RGS7: variants seen among roughly 807,000 people sequenced by gnomAD.
The protein encoded by RGS7 is regulator of G-protein signaling 7.
RGS7 carries 27 observed loss-of-function variants against 81.1 expected under a neutral mutation model. The ratio of observed to expected loss-of-function variants is 0.33; its 90% confidence interval spans 0.25 to 0.46. The LOEUF (loss-of-function observed/expected upper bound fraction) is 0.46, where lower values mean the gene tolerates loss of function less well. RGS7 is among the 20% of genes least tolerant of loss of function. RGS7 has a pLI of 1.00. For missense variants in RGS7, 396 were observed against 607.4 expected (o/e 0.65, Z 3.66); for synonymous variants, 208 against 207.7 (o/e 1.00, Z -0.01).
At chr1:240,908,113 C>A (rs1199201107) in intron 6 of RGS7, among the ~76,000 whole-genome samples, 1 of 150,344 alleles carries the variant, frequency 6.7e-6, no homozygotes, top group Non-Finnish European at 1.5e-5. Context: ...AAACCAAACA[C>A]CACATGTTCT....
intron 2 of RGS7, among the ~76,000 whole-genome samples, chr1:241,314,664 T>A (rs1395544293): frequency 6.6e-6 from 1 of 152,156 alleles, no homozygotes; most frequent in Non-Finnish European, 1.5e-5. Flanking sequence ...TGAACAAAAG[T>A]AGAGCGCAGT....
intron 2 of RGS7, among the ~76,000 whole-genome samples, chr1:241,225,543 A>C (rs371271677): frequency 1.3e-5 from 2 of 152,280 alleles, no homozygotes; most frequent in African/African-American, 4.8e-5. Context: ...TTGCATCACA[A>C]ATACTGGCTG....
At chr1:240,800,552 A>AAC (rs143139365) in intron 18 of RGS7, 89 bp downstream of exon 18, 327 of 654,994 alleles carry the variant, frequency 5.0e-4, no homozygotes, top group South Asian at 8.3e-4. Flanking sequence ...CAAAAGCCAC[A>AAC]ACACACACAC....
chr1:240,886,497 T>A (rs1667360632), intron 6 of RGS7, among the ~76,000 whole-genome samples: 1 of 152,220 alleles, frequency 6.6e-6, no homozygotes, highest in African/African-American at 2.4e-5. Context: ...TCTATAAAAA[T>A]GTAAACCCCA....
intron 18 of RGS7, among the ~76,000 whole-genome samples, chr1:240,799,769 C>G (rs1374302536): frequency 6.6e-6 from 1 of 152,174 alleles, no homozygotes; most frequent in East Asian, 1.9e-4. Flanking sequence ...ATACTTTCTA[C>G]ATGGTCCCAA....
intron 3 of RGS7, among the ~76,000 whole-genome samples, chr1:241,053,399 A>G (rs2061343714): frequency 6.6e-6 from 1 of 152,238 alleles, no homozygotes; most frequent in Non-Finnish European, 1.5e-5. Flanking sequence ...CCCTCAAAGT[A>G]GGAGACTTTT....
intron 2 of RGS7, among the ~76,000 whole-genome samples, chr1:241,158,156 T>C (rs892253658): frequency 2.0e-5 from 3 of 152,148 alleles, no homozygotes; most frequent in African/African-American, 7.2e-5. Context: ...GCCATGCTAA[T>C]TCATTTACAT....
chr1:241,221,022 G>A (rs1426272230), intron 2 of RGS7, among the ~76,000 whole-genome samples: 29 of 104,654 alleles, frequency 2.8e-4, no homozygotes, highest in South Asian at 1.2e-3. Flanking sequence ...AGGAAGGAAG[G>A]AAGGAAGGAA....
chr1:240,793,612 T>TATATATATA (rs11270798), intron 18 of RGS7, among the ~76,000 whole-genome samples: 2 of 28,588 alleles, frequency 7.0e-5, no homozygotes, highest in African/African-American at 3.7e-4. Flanking sequence ...TATATATATA[T>TATATATATA]TTTTTTTTTT....
intron 2 of RGS7, among the ~76,000 whole-genome samples, chr1:241,243,713 T>G (rs551783844): frequency 6.6e-6 from 1 of 152,168 alleles, no homozygotes; most frequent in African/African-American, 2.4e-5. Flanking sequence ...TTGGCCACAT[T>G]ATGTTTCAGA....
chr1:241,331,719 T>G (rs762814139), intron 2 of RGS7, among the ~76,000 whole-genome samples: 12 of 152,328 alleles, frequency 7.9e-5, no homozygotes, highest in African/African-American at 2.6e-4. Flanking sequence ...ACAATTTTAC[T>G]GTCAGCTGGA....
chr1:240,920,657 AG>A, intron 6 of RGS7: 1 of 1,009,210 alleles, frequency 9.9e-7, no homozygotes, highest in Non-Finnish European at 1.5e-6. Flanking sequence ...GAGAAGTGAC[AG>A]GGAAGCTACA....
chr1:241,020,822 CCAGA>C (rs1297182230), intron 3 of RGS7, among the ~76,000 whole-genome samples: 2 of 152,114 alleles, frequency 1.3e-5, no homozygotes, highest in Non-Finnish European at 2.9e-5. Flanking sequence ...ACCATCAGTG[CCAGA>C]CAGTCAAGAA....
Position 241,002,905 on chromosome 1 carries a change from C to T in RGS7, c.176-19776G>A, listed in dbSNP as rs559519420. Reference sequence around the variant, plus strand: ...AATACAAGTTTTCACTCAATACATTCGTAACATGAAAACAAAAAATTTATA... The same window carrying T: ...AATACAAGTTTTCACTCAATACATTTGTAACATGAAAACAAAAAATTTATA... On this transcript the variant is annotated intron_variant, in intron 3 of 18. Transcript: ENST00000440928. Among the ~76,000 whole-genome samples the T allele has an allele frequency of 4.6e-5, 7 of 152,162 alleles. No individual in the cohort carries two copies. In the South Asian group the frequency reaches 1.0e-3, roughly 23 times the overall value.
chr1:241,216,114 T>C (rs940211494), intron 2 of RGS7, among the ~76,000 whole-genome samples: 1 of 150,722 alleles, frequency 6.6e-6, no homozygotes, highest in Non-Finnish European at 1.5e-5. Flanking sequence ...TATTAAAATA[T>C]AAAAAAACGT....
intron 2 of RGS7, among the ~76,000 whole-genome samples, chr1:241,146,027 T>C (rs557098388): frequency 6.6e-6 from 1 of 152,262 alleles, no homozygotes; most frequent in African/African-American, 2.4e-5. Context: ...TTTTTATCTC[T>C]TGGCTGAAGG....
At chr1:240,790,603 TAA>T in intron 18 of RGS7, among the ~76,000 whole-genome samples, 1 of 152,302 alleles carries the variant, frequency 6.6e-6, no homozygotes, top group African/African-American at 2.4e-5. Context: ...GAACTAGGAT[TAA>T]TAGCTGGAAG....
chr1:240,775,143 T>C (rs894813382), downstream of RGS7, among the ~76,000 whole-genome samples: 44 of 152,324 alleles, frequency 2.9e-4, no homozygotes, highest in African/African-American at 1.1e-3. Flanking sequence ...TTTTTAGAAT[T>C]GTGTTTTAAA....
chr1:240,963,652 C>A (rs1681825674), intron 4 of RGS7, among the ~76,000 whole-genome samples: 1 of 152,044 alleles, frequency 6.6e-6, no homozygotes, highest in African/African-American at 2.4e-5. Flanking sequence ...GGGATACACA[C>A]CAGATTCCAG....
Sources: allele counts gnomAD v4.1 joint callset (sites outside exome capture counted in the v4.1 genomes callset), GRCh38; gene constraint gnomAD v4.1.1; transcripts MANE v1.5; gene names NCBI Gene and HGNC (gene_info 2026-07-23, HGNC 2026-07-21).